EBF1: variants seen among roughly 807,000 people sequenced by gnomAD.
EBF1 encodes the protein transcription factor COE1.
In EBF1, 10 loss-of-function variants were observed where a neutral mutation model predicts 68.4. The ratio of observed to expected loss-of-function variants is 0.15; its 90% confidence interval spans 0.09 to 0.25. The LOEUF (loss-of-function observed/expected upper bound fraction) is 0.25. EBF1 is among the 10% of genes least tolerant of loss of function. The pLI is 1.00. For synonymous variants in EBF1, 298 were observed against 299.8 expected (o/e 0.99, Z 0.06); for missense variants, 509 against 794.4 (o/e 0.64, Z 4.32).
chr5:158,932,922 G>C (rs1283023076), intron 6 of EBF1, among the ~76,000 whole-genome samples: 1 of 152,164 alleles, frequency 6.6e-6, no homozygotes, highest in Non-Finnish European at 1.5e-5. Flanking sequence ...CATGGTCCAA[G>C]ATCCTCATGG....
intron 6 of EBF1, among the ~76,000 whole-genome samples, chr5:158,986,653 A>G (rs953671748): frequency 1.3e-5 from 2 of 152,228 alleles, no homozygotes; most frequent in African/African-American, 4.8e-5. Context: ...TCTGAGGACC[A>G]AATTAAGTTA....
At chr5:159,035,260 T>C (rs1769798495) in intron 6 of EBF1, among the ~76,000 whole-genome samples, 1 of 151,860 alleles carries the variant, frequency 6.6e-6, no homozygotes, top group African/African-American at 2.4e-5. Context: ...CATCTCTAAA[T>C]CACCAAAAAT....
intron 6 of EBF1, among the ~76,000 whole-genome samples, chr5:159,039,059 TA>T (rs1431341041): frequency 6.6e-6 from 1 of 152,154 alleles, no homozygotes; most frequent in African/African-American, 2.4e-5. Context: ...TCTGAAGGAA[TA>T]AAAAAGAAAT....
chr5:159,065,321 G>T (rs1342373639), intron 6 of EBF1, among the ~76,000 whole-genome samples: 1 of 152,168 alleles, frequency 6.6e-6, no homozygotes, highest in African/African-American at 2.4e-5. Flanking sequence ...TCCTCGGCAT[G>T]CACCAGCAGA....
chr5:158,858,901 G>C (rs1794522276), intron 6 of EBF1, among the ~76,000 whole-genome samples: 1 of 152,146 alleles, frequency 6.6e-6, no homozygotes, highest in Non-Finnish European at 1.5e-5. Context: ...GGCCGGGTGA[G>C]TGACAGGGAG....
chr5:159,030,948 G>A (rs983534400), intron 6 of EBF1, among the ~76,000 whole-genome samples: 18 of 151,666 alleles, frequency 1.2e-4, no homozygotes, highest in African/African-American at 2.2e-4. Context: ...CGAGGCAGGC[G>A]GATTACCTGA....
At chr5:158,948,268 GGGCAGGCCAAT>G (rs1273768007) in intron 6 of EBF1, among the ~76,000 whole-genome samples, 1 of 152,070 alleles carries the variant, frequency 6.6e-6, no homozygotes, top group Non-Finnish European at 1.5e-5. Flanking sequence ...GGAGGCCCGA[GGGCAGGCCAAT>G]GGCAGCTGCT....
chr5:158,966,166 G>A (rs1338815618), intron 6 of EBF1, among the ~76,000 whole-genome samples: 1 of 152,042 alleles, frequency 6.6e-6, no homozygotes, highest in Non-Finnish European at 1.5e-5. Context: ...TGTGACTCTT[G>A]GGAAAATGTT....
intron 8 of EBF1, among the ~76,000 whole-genome samples, chr5:158,805,989 G>A (rs1188580909): frequency 6.6e-6 from 1 of 152,078 alleles, no homozygotes; most frequent in Non-Finnish European, 1.5e-5. Flanking sequence ...GGGTATGGGT[G>A]TGGGAGCAGA....
chr5:158,714,446 C>T (rs1280681276), intron 11 of EBF1, among the ~76,000 whole-genome samples: 1 of 152,162 alleles, frequency 6.6e-6, no homozygotes, highest in Non-Finnish European at 1.5e-5. Context: ...ATAAAGCACT[C>T]ATATGTTTAT....
At chr5:158,920,844 T>G (rs202110359) in intron 6 of EBF1, among the ~76,000 whole-genome samples, 1 of 152,324 alleles carries the variant, frequency 6.6e-6, no homozygotes, top group Admixed American at 6.5e-5. Context: ...CGTGACTCCC[T>G]GAAACCCACT....
At chr5:159,079,685 C>T (rs1209957307) in intron 5 of EBF1, among the ~76,000 whole-genome samples, 2 of 147,424 alleles carry the variant, frequency 1.4e-5, no homozygotes, top group Non-Finnish European at 3.0e-5. Context: ...AATCTCTGCT[C>T]ACTGCAACCT....
chr5:158,956,754 CTTTTTTTTTTTT>C (rs397883009), intron 6 of EBF1, among the ~76,000 whole-genome samples: 1 of 112,844 alleles, frequency 8.9e-6, no homozygotes, highest in South Asian at 2.8e-4. Flanking sequence ...ACCAACACTT[CTTTTTTTTTTTT>C]TTTTTTTTTT....
At chr5:158,987,627 T>C (rs960275939) in intron 6 of EBF1, among the ~76,000 whole-genome samples, 2 of 152,066 alleles carry the variant, frequency 1.3e-5, no homozygotes, top group Admixed American at 1.3e-4. Flanking sequence ...TATTAGACAC[T>C]CCAAGGAGGA....
In EBF1 at chr5:158,853,759, C is replaced by T. The variant is rs76199200; in HGVS notation, c.555-13649G>A. 6.8e-3 allele frequency among the ~76,000 whole-genome samples: 1,039 copies of T among 152,216 alleles called. 10 individuals are homozygous for T. The highest frequency in any genetic ancestry group is 0.023 in the African/African-American group (945 of 41,516). Reference sequence around the variant, plus strand: ...TTCTTAAGTCTATCACATGCACACGCGCACACACACTCACATACACATACA... The same window carrying T: ...TTCTTAAGTCTATCACATGCACACGTGCACACACACTCACATACACATACA... On this transcript the variant is annotated intron_variant, in intron 6 of 15. Transcript: ENST00000313708.
chr5:158,705,033 G>A (rs1051180476), intron 15 of EBF1, among the ~76,000 whole-genome samples: 18 of 152,186 alleles, frequency 1.2e-4, no homozygotes, highest in Admixed American at 5.9e-4. Flanking sequence ...TCTTGCTCTG[G>A]AGTGCAGTGG....
At chr5:158,824,510 T>C (rs1785592629) in intron 7 of EBF1, among the ~76,000 whole-genome samples, 1 of 152,256 alleles carries the variant, frequency 6.6e-6, no homozygotes, top group Non-Finnish European at 1.5e-5. Context: ...GATTTCTGAT[T>C]TATTTTGCTC....
intron 6 of EBF1, among the ~76,000 whole-genome samples, chr5:159,026,700 G>A (rs564558008): frequency 6.6e-6 from 1 of 152,230 alleles, no homozygotes; most frequent in South Asian, 2.1e-4. Flanking sequence ...ATTTCCCTAA[G>A]CTAAATGCAG....
rs192488007 is a variant in EBF1, at chr5:158,845,915, T to A, written c.555-5805A>T. Reference sequence around the variant, plus strand: ...TTAATTATTATGTAAAGCATTGCAATCAATCTGGGCTGAGCAGGTTGAGTT... The same window carrying A: ...TTAATTATTATGTAAAGCATTGCAAACAATCTGGGCTGAGCAGGTTGAGTT... On this transcript the variant is annotated intron_variant, in intron 6 of 15. Coordinates refer to ENST00000313708, the MANE Select transcript of EBF1 (RefSeq NM_024007.5). 6.0e-4 allele frequency among the ~76,000 whole-genome samples: 92 copies of A among 152,302 alleles called. 1 individual carries two copies. The highest frequency in any genetic ancestry group is 6.0e-3 in the Admixed American group (92 of 15,298).
Sources: gnomAD v4.1 joint callset for allele counts (sites outside exome capture counted in the v4.1 genomes callset) on GRCh38, gnomAD v4.1.1 for gene constraint, MANE v1.5 for transcripts, NCBI Gene and HGNC (gene_info 2026-07-23, HGNC 2026-07-21) for gene names.